Variants in EDN1 observed in about 807,000 individuals in gnomAD.
EDN1 encodes the protein endothelin 1.
EDN1 carries 11 observed loss-of-function variants against 21.7 expected under a neutral mutation model. The observed-to-expected ratio is 0.51, with a 90% CI of 0.32 to 0.84. The LOEUF (loss-of-function observed/expected upper bound fraction) is 0.84. Ranked by LOEUF, EDN1 falls within the 40% of genes least tolerant of loss-of-function variation. The pLI, the probability that EDN1 is intolerant of heterozygous loss-of-function variation, is 0.03. For synonymous variants in EDN1, 85 were observed against 90.6 expected, an observed-to-expected ratio of 0.94 and a Z score of 0.35; for missense variants, 244 against 262.3, an observed-to-expected ratio of 0.93 and a Z score of 0.48.
At chr6:12,293,429 A>G (rs1762736290) in intron 2 of EDN1, among the ~76,000 whole-genome samples, 1 of 152,200 alleles carries the variant, frequency 6.6e-6, no homozygotes, top group Non-Finnish European at 1.5e-5. Context: ...ATGTGTGAAC[A>G]TGTGCCTCCT....
the EDN1 span, among the ~76,000 whole-genome samples, chr6:12,255,164 CTTGAA>C: frequency 1.3e-3 from 198 of 152,268 alleles, no homozygotes; most frequent in Non-Finnish European, 2.2e-3. Flanking sequence ...ACACAAAACT[CTTGAA>C]TTGAATAGTA....
chr6:12,245,725 A>G, the EDN1 span, among the ~76,000 whole-genome samples: 1 of 152,290 alleles, frequency 6.6e-6, no homozygotes, highest in Non-Finnish European at 1.5e-5. Context: ...TTGGAACCAG[A>G]TAGTAAACTT....
chr6:12,290,723 G>A lies in EDN1; in HGVS notation c.64+30G>A, dbSNP rs372644758. Reference sequence around the variant, plus strand: ...GCACGCTCGTTGACTTGTAAGTCTCGGAATTACAAGTTAGTGTGTTCTTAT... The same window carrying A: ...GCACGCTCGTTGACTTGTAAGTCTCAGAATTACAAGTTAGTGTGTTCTTAT... On this transcript the variant is annotated intron_variant, in intron 1 of 4. Coordinates refer to ENST00000379375, the MANE Select transcript of EDN1 (RefSeq NM_001955.5). The A allele has an allele frequency of 6.3e-6, 10 of 1,583,214 alleles. No individual in the cohort carries two copies. The South Asian group carries it at 8.8e-5, about 14-fold the overall frequency.
the EDN1 span, among the ~76,000 whole-genome samples, chr6:12,231,711 A>C: frequency 6.6e-6 from 1 of 151,528 alleles, no homozygotes; most frequent in Non-Finnish European, 1.5e-5. Flanking sequence ...TAACCCTGAC[A>C]TTTTCATGAA....
the EDN1 span, among the ~76,000 whole-genome samples, chr6:12,264,198 G>T: frequency 6.6e-6 from 1 of 152,152 alleles, no homozygotes; most frequent in Non-Finnish European, 1.5e-5. Flanking sequence ...AGAAATCCAG[G>T]CACCTGAAGC....
the EDN1 span, among the ~76,000 whole-genome samples, chr6:12,245,916 A>G: frequency 5.7e-4 from 87 of 152,314 alleles, 1 homozygote; most frequent in African/African-American, 2.0e-3. Context: ...TGTCATGCCC[A>G]TATTTACTAG....
At chr6:12,282,962 G>C in the EDN1 span, among the ~76,000 whole-genome samples, 4 of 151,926 alleles carry the variant, frequency 2.6e-5, no homozygotes, top group African/African-American at 9.7e-5. Context: ...ATGTATGCAG[G>C]GGTTTTTAAG....
Position 12,296,200 on chromosome 6 carries a change from C to T in EDN1, c.*133C>T, listed in dbSNP as rs1762820783. 1.2e-6 allele frequency: 1 copy of T among 812,394 alleles called. No individual in the cohort carries two copies. The highest frequency in any genetic ancestry group is 1.9e-5 in the Admixed American group (1 of 52,744). 50.3% of individuals were successfully genotyped at this position (812,394 alleles called of 1,614,324 possible). A position where few individuals can be genotyped will look rare whatever the true frequency, so the allele number is the denominator to read the frequency against. On this transcript the variant is annotated 3_prime_UTR_variant, in exon 5 of 5. Coordinates refer to ENST00000379375, the MANE Select transcript of EDN1 (RefSeq NM_001955.5). ...TCCTGACTGGCAAAGGACCAGCGTC[C>T]TCGTTCAAAACATTCCAAGAAAGGT...
At chr6:12,293,433 G>A (rs1197526790) in intron 2 of EDN1, among the ~76,000 whole-genome samples, 5 of 152,172 alleles carry the variant, frequency 3.3e-5, no homozygotes, top group African/African-American at 1.2e-4. Flanking sequence ...GTGAACATGT[G>A]CCTCCTCCTC....
chr6:12,287,712 TCACACACACACACA>T (rs66467626), upstream of EDN1, among the ~76,000 whole-genome samples: 16 of 103,074 alleles, frequency 1.6e-4, no homozygotes, highest in Admixed American at 5.2e-4. Flanking sequence ...TCTCTCTCTC[TCACACACACACACA>T]CACACACACA....
At chr6:12,275,681 A>T in the EDN1 span, among the ~76,000 whole-genome samples, 1 of 152,190 alleles carries the variant, frequency 6.6e-6, no homozygotes, top group South Asian at 2.1e-4. Context: ...GTATTTTTAA[A>T]AGTTGTAGGG....
At chr6:12,268,506 G>A in the EDN1 span, among the ~76,000 whole-genome samples, 6 of 152,260 alleles carry the variant, frequency 3.9e-5, no homozygotes, top group African/African-American at 1.2e-4. Flanking sequence ...ATGAGAGATA[G>A]AGGTCTAGTT....
chr6:12,244,809 G>GGTCC, the EDN1 span, among the ~76,000 whole-genome samples: 1 of 152,046 alleles, frequency 6.6e-6, no homozygotes, highest in Non-Finnish European at 1.5e-5. Context: ...GAAGCCCAGG[G>GGTCC]GTCCACAGAC....
the EDN1 span, among the ~76,000 whole-genome samples, chr6:12,237,976 C>T: frequency 4.6e-5 from 7 of 152,066 alleles, no homozygotes; most frequent in Non-Finnish European, 1.0e-4. Context: ...TCAAGACCAA[C>T]CTGGCCAATA....
At chr6:12,233,549 C>A in the EDN1 span, among the ~76,000 whole-genome samples, 2 of 152,124 alleles carry the variant, frequency 1.3e-5, no homozygotes, top group Non-Finnish European at 2.9e-5. Flanking sequence ...AGCTGCTCTA[C>A]CTACCTAAGG....
chr6:12,254,568 A>G, the EDN1 span, among the ~76,000 whole-genome samples: 1 of 152,206 alleles, frequency 6.6e-6, no homozygotes. Flanking sequence ...TTTAATATTA[A>G]ATGAGAAATA....
the EDN1 span, among the ~76,000 whole-genome samples, chr6:12,237,362 A>C: frequency 6.6e-6 from 1 of 152,202 alleles, no homozygotes; most frequent in Non-Finnish European, 1.5e-5. Context: ...ACCTCAAAGA[A>C]TATAAAGAGG....
chr6:12,274,259 A>C, the EDN1 span, among the ~76,000 whole-genome samples: 20 of 152,244 alleles, frequency 1.3e-4, no homozygotes, highest in Non-Finnish European at 2.8e-4. Context: ...ACAATTTAGA[A>C]AAGCATAAGG....
rs61701314 is a variant in EDN1 at position 12,294,920 on chromosome 6, C to CTTTTTTTTTT, written c.533+527_533+536dup. Among the ~76,000 whole-genome samples the CTTTTTTTTTT allele has an allele frequency of 1.4e-4, 15 of 107,632 alleles. 1 individual carries two copies. The highest frequency in any genetic ancestry group is 1.0e-3 in the South Asian group (3 of 2,868). The allele number at this position is 107,632 out of a possible 152,430, so 70.6% of individuals were successfully genotyped here. A position where few individuals can be genotyped will look rare whatever the true frequency, so the allele number is the denominator to read the frequency against. ...ACATGCTGTTTTTCAGGTTTATGGTCTTTTTTTTTTTTTTTTTTTTAAATA... is the reference window on the plus strand; with the variant it reads ...ACATGCTGTTTTTCAGGTTTATGGTCTTTTTTTTTTTTTTTTTTTTTTTTTTTTTTAAATA... On this transcript the variant is annotated intron_variant, in intron 4 of 4. Transcript: ENST00000379375.
Sources: allele counts gnomAD v4.1 joint callset (sites outside exome capture counted in the v4.1 genomes callset), GRCh38; gene constraint gnomAD v4.1.1; transcripts MANE v1.5; gene names NCBI Gene and HGNC (gene_info 2026-07-23, HGNC 2026-07-21).